Variants in DDAH1 observed in about 807,000 individuals in gnomAD.
DDAH1 encodes dimethylarginine dimethylaminohydrolase 1.
Under a neutral mutation model 28.8 loss-of-function variants are expected in DDAH1, and 19 were observed. The observed-to-expected ratio is 0.66, with a 90% CI of 0.46 to 0.97. DDAH1 has a LOEUF of 0.97. Among genes scored for constraint, DDAH1 ranks in the 50% least tolerant of loss-of-function variants. DDAH1 has a pLI of 0.00. For missense variants in DDAH1, 326 were observed against 375.9 expected, an observed-to-expected ratio of 0.87 and a Z score of 1.10; for synonymous variants, 153 against 154.4, an observed-to-expected ratio of 0.99 and a Z score of 0.07.
chr1:85,330,741 G>A (rs414484), intron 4 of DDAH1, among the ~76,000 whole-genome samples: 1,768 of 152,302 alleles, frequency 0.012, 29 homozygotes, highest in African/African-American at 0.035. Flanking sequence ...ACTAATTTGA[G>A]TGATTATTAT....
chr1:85,422,275 A>C (rs913684476), intron 1 of DDAH1, among the ~76,000 whole-genome samples: 1 of 152,034 alleles, frequency 6.6e-6, no homozygotes, highest in African/African-American at 2.4e-5. Flanking sequence ...CTGTGTTTTA[A>C]GAGTTCTTCG....
At chr1:85,473,891 A>G (rs1287089138) in intron 2 of DDAH1, among the ~76,000 whole-genome samples, 1 of 152,180 alleles carries the variant, frequency 6.6e-6, no homozygotes. Flanking sequence ...AATACACCCC[A>G]GTGCCAACAT....
intron 1 of DDAH1, among the ~76,000 whole-genome samples, chr1:85,500,030 TCTTCCC>T (rs572902359): frequency 1.4e-3 from 216 of 150,404 alleles, no homozygotes; most frequent in African/African-American, 5.0e-3. Flanking sequence ...GTGTTTTTCT[TCTTCCC>T]CTTCCCCTTT....
rs370158971 is a variant in DDAH1, at chr1:85,462,761, G to A, written c.303+1982C>T. On this transcript the variant is annotated intron_variant, in intron 1 of 5. Transcript: ENST00000284031. ...CCCATATTCCTCTCCCTGCCTGGGA[G>A]GCCTGTTACCCTGGTGACCCAGATC... Among the ~76,000 whole-genome samples, 86 of 152,290 alleles carry A rather than the reference G, an allele frequency of 5.6e-4. No homozygotes were observed. In the East Asian group the frequency reaches 5.8e-3, roughly 10 times the overall value.
chr1:85,414,204 C>T (rs1283451678), intron 1 of DDAH1, among the ~76,000 whole-genome samples: 1 of 151,430 alleles, frequency 6.6e-6, no homozygotes, highest in Non-Finnish European at 1.5e-5. Flanking sequence ...GGCTATAGCT[C>T]ACAACAAAGA....
intron 1 of DDAH1, among the ~76,000 whole-genome samples, chr1:85,441,171 C>T (rs1370443734): frequency 6.6e-6 from 1 of 152,206 alleles, no homozygotes. Context: ...ATTTTTACAG[C>T]ACTTCTCTGA....
chr1:85,447,408 G>A (rs1229698475), intron 1 of DDAH1, among the ~76,000 whole-genome samples: 1 of 152,154 alleles, frequency 6.6e-6, no homozygotes, highest in Non-Finnish European at 1.5e-5. Context: ...AAGTAAACTC[G>A]AGTGGGCCAC....
intron 1 of DDAH1, among the ~76,000 whole-genome samples, chr1:85,413,599 T>C (rs975158999): frequency 4.6e-5 from 7 of 152,208 alleles, no homozygotes; most frequent in African/African-American, 1.7e-4. Flanking sequence ...AAATATGGCA[T>C]AGAAGCAAGG....
chr1:85,482,795 G>A (rs1368732107), intron 2 of DDAH1, among the ~76,000 whole-genome samples: 1 of 152,152 alleles, frequency 6.6e-6, no homozygotes, highest in East Asian at 1.9e-4. Flanking sequence ...TTGGGCAATA[G>A]CTAAGATTTT....
intron 2 of DDAH1, among the ~76,000 whole-genome samples, chr1:85,490,603 CT>C (rs1656360549): frequency 6.6e-6 from 1 of 152,218 alleles, no homozygotes; most frequent in African/African-American, 2.4e-5. Flanking sequence ...ATTAAGCAAT[CT>C]GTTAAAATAA....
intron 2 of DDAH1, among the ~76,000 whole-genome samples, chr1:85,488,956 G>T (rs12068848): frequency 0.018 from 2,673 of 152,256 alleles, 41 homozygotes; most frequent in Middle Eastern, 0.071. Flanking sequence ...GATGGTGACT[G>T]CATTTGAAAA....
At chr1:85,329,160 A>G (rs1325499209) in intron 4 of DDAH1, among the ~76,000 whole-genome samples, 1 of 152,254 alleles carries the variant, frequency 6.6e-6, no homozygotes, top group Admixed American at 6.5e-5. Context: ...CATACATTCC[A>G]GAGGAAGTGT....
intron 1 of DDAH1, among the ~76,000 whole-genome samples, chr1:85,575,598 A>G (rs1376423666): frequency 1.3e-5 from 2 of 152,256 alleles, no homozygotes; most frequent in African/African-American, 4.8e-5. Context: ...GCACAGCTTC[A>G]GGTAATTTAT....
rs149498632 is a variant in DDAH1 at position 85,392,416 on chromosome 1, A to C, written c.304-33569T>G. 2.2e-3 allele frequency among the ~76,000 whole-genome samples: 328 copies of C among 152,300 alleles called. 2 individuals carry two copies. Among genetic ancestry groups the C allele is most frequent in the African/African-American group, 7.7e-3 (319 of 41,554 alleles). On this transcript the variant is annotated intron_variant, in intron 1 of 5. Coordinates refer to ENST00000284031, the MANE Select transcript of DDAH1 (RefSeq NM_012137.4). ...TCCAGATAAGATCACATTCTGAGGT[A>C]CTAGGGGTTAGGACTTCAACATACG...
At chr1:85,393,843 TA>T (rs1651677705) in intron 1 of DDAH1, among the ~76,000 whole-genome samples, 1 of 152,116 alleles carries the variant, frequency 6.6e-6, no homozygotes, top group African/African-American at 2.4e-5. Flanking sequence ...TAGCTAACAA[TA>T]ATTTAAAACA....
At chr1:85,563,008 C>G (rs957375334) in intron 1 of DDAH1, among the ~76,000 whole-genome samples, 2 of 152,216 alleles carry the variant, frequency 1.3e-5, no homozygotes, top group African/African-American at 4.8e-5. Flanking sequence ...GGACATCAAA[C>G]TGCACAGTAT....
intron 1 of DDAH1, among the ~76,000 whole-genome samples, chr1:85,389,140 G>C (rs1239279618): frequency 6.6e-6 from 1 of 151,978 alleles, no homozygotes. Context: ...CCAGGAGTTC[G>C]AGATCAGCCT....
chr1:85,478,512 A>G (rs1378294604), intron 2 of DDAH1, among the ~76,000 whole-genome samples: 1 of 151,686 alleles, frequency 6.6e-6, no homozygotes, highest in South Asian at 2.1e-4. Flanking sequence ...GTGCAGGGGA[A>G]CTCCCATTTA....
At chr1:85,494,344 C>T (rs2100731723) in intron 2 of DDAH1, 1 of 152,306 alleles carries the variant, frequency 6.6e-6, no homozygotes, top group East Asian at 1.9e-4. Flanking sequence ...TCTGCTTCCC[C>T]AAAGAGTACT....
Sources: gnomAD v4.1 joint callset for allele counts (sites outside exome capture counted in the v4.1 genomes callset) on GRCh38, gnomAD v4.1.1 for gene constraint, MANE v1.5 for transcripts, NCBI Gene and HGNC (gene_info 2026-07-23, HGNC 2026-07-21) for gene names.